ANK3: variants seen among roughly 807,000 people sequenced by gnomAD.
ANK3 encodes the protein ankyrin-3.
Under a neutral mutation model 370.9 loss-of-function variants are expected in ANK3, and 57 were observed. The ratio of observed to expected loss-of-function variants is 0.15; its 90% confidence interval spans 0.12 to 0.19. ANK3 has a LOEUF of 0.19. Among genes scored for constraint, ANK3 ranks in the 10% least tolerant of loss-of-function variants. ANK3 has a pLI of 1.00. For synonymous variants in ANK3, 1,929 were observed against 1,946.3 expected (o/e 0.99, Z 0.23); for missense variants, 4,439 against 5,302.1 (o/e 0.84, Z 5.06).
chr10:60,173,077 A>T lies in ANK3; in HGVS notation c.2283+11T>A. ...ATGATTCTGGCAGAAACAAAAAAGGAAGGAGCTTACCTTTGTTTTGGCATT... is the reference window on the plus strand; with the variant it reads ...ATGATTCTGGCAGAAACAAAAAAGGTAGGAGCTTACCTTTGTTTTGGCATT... On this transcript the variant is annotated intron_variant, in intron 19 of 43. Transcript: ENST00000280772. 1 of 1,611,384 alleles carries T rather than the reference A, an allele frequency of 6.2e-7. No individual in the cohort carries two copies. Among genetic ancestry groups the T allele is most frequent in the Non-Finnish European group, 8.5e-7 (1 of 1,178,436 alleles).
Position 60,278,805 on chromosome 10 carries a change from G to A in ANK3, c.383C>T (p.Thr128Ile), listed in dbSNP as rs758350964. The A allele has an allele frequency of 1.2e-6, 2 of 1,613,966 alleles. No homozygotes were observed. Among genetic ancestry groups the A allele is most frequent in the South Asian group, 2.2e-5 (2 of 91,072 alleles). The change falls in exon 4 of 44, where the codon ACA (threonine) becomes ATA (isoleucine). Residue 128 changes from threonine (T) to isoleucine (I), a missense_variant. Physicochemically the swap from Thr to Ile is moderately conservative, Grantham distance 89. Transcript: ENST00000280772. ...TTGTGCATTGACATTGGCTCCATTT[G>A]TAACCAAGACTTTTACCACCTCTGC... ...GQAEVVKVLV[T>I]NGANVNAQSQ...
intron 7 of ANK3, among the ~76,000 whole-genome samples, chr10:60,244,902 G>A (rs2097529500): frequency 6.6e-6 from 1 of 152,204 alleles, no homozygotes; most frequent in Non-Finnish European, 1.5e-5. Flanking sequence ...GGGCGCGGTG[G>A]CTCACGCCTG....
intron 37 of ANK3, 111 bp downstream of exon 37, chr10:60,068,526 T>G (rs2082063459): frequency 1.7e-6 from 2 of 1,163,644 alleles, no homozygotes; most frequent in Non-Finnish European, 1.2e-6. Context: ...CCACAGGCAA[T>G]CACAACAGTT....
intron 17 of ANK3, 84 bp from the exon 18 acceptor site, chr10:60,181,511 C>A: frequency 1.5e-6 from 2 of 1,295,062 alleles, no homozygotes; most frequent in Non-Finnish European, 2.2e-6. Flanking sequence ...TTTGTGAATT[C>A]TAAGATGGTA....
intron 25 of ANK3, among the ~76,000 whole-genome samples, chr10:60,129,243 C>CAATT (rs2093937688): frequency 6.6e-6 from 1 of 152,166 alleles, no homozygotes; most frequent in Non-Finnish European, 1.5e-5. Flanking sequence ...TCAGGGGAAC[C>CAATT]CTTAAAAATA....
chr10:60,375,499 G>A (rs75396339), intron 1 of ANK3, among the ~76,000 whole-genome samples: 13,277 of 151,996 alleles, frequency 0.087, 730 homozygotes, highest in South Asian at 0.13. Context: ...GCCTGCCTGG[G>A]GGGGGAGGGG....
At chr10:60,140,970 G>T (rs2094533464) in intron 23 of ANK3, 3 of 985,442 alleles carry the variant, frequency 3.0e-6, no homozygotes, top group Non-Finnish European at 3.6e-6. Flanking sequence ...GGCCCAGGCG[G>T]GGAGTGGCAT....
intron 18 of ANK3, among the ~76,000 whole-genome samples, chr10:60,177,438 T>A (rs2096000467): frequency 6.6e-6 from 1 of 152,102 alleles, no homozygotes; most frequent in African/African-American, 2.4e-5. Context: ...AATAGGAAAC[T>A]CATAGTCCTC....
At chr10:60,047,204 C>A (rs1254920225) in intron 42 of ANK3, among the ~76,000 whole-genome samples, 1 of 152,126 alleles carries the variant, frequency 6.6e-6, no homozygotes, top group African/African-American at 2.4e-5. Context: ...TGGCAACCTC[C>A]CTTCCCTTCC....
At chr10:60,184,777 A>C (rs1174353367) in intron 17 of ANK3, among the ~76,000 whole-genome samples, 1 of 152,222 alleles carries the variant, frequency 6.6e-6, no homozygotes, top group Non-Finnish European at 1.5e-5. Flanking sequence ...CAGGATTTTG[A>C]AGAAACAAAG....
At position 60,070,988 on chromosome 10, in the gene ANK3, G is replaced by C; in HGVS notation, c.9893C>G (p.Pro3298Arg). The change falls in exon 37 of 44, where the codon CCT becomes CGT. Residue 3298 changes from proline (P) to arginine (R), a missense_variant. By Grantham distance (103) the Pro-to-Arg change is moderately radical. This residue lies in a region of ANK3 where 1,601 missense variants were observed against 1,731.7 expected (regional missense o/e 0.92). Coordinates refer to ENST00000280772, the MANE Select transcript of ANK3 (RefSeq NM_020987.5). The surrounding 1 kb of genome is among the most constrained non-coding windows in gnomAD (Gnocchi z 5.7). ...DEHDKYQLAE[P>R]VIRVQPPSPV... is the part of the protein sequence containing the mutation. ...TGAAGGTGGCTGCACTCTAATGACA[G>C]GTTCAGCCAGCTGGTACTTGTCATG... is the stretch of plus-strand genomic sequence containing the variant. The C allele has an allele frequency of 6.2e-7, 1 of 1,614,116 alleles. No individual in the cohort carries two copies.
intron 42 of ANK3, 161 bp from the exon 43 acceptor site, chr10:60,042,920 C>G (rs894679834): frequency 6.9e-7 from 1 of 1,449,652 alleles, no homozygotes; most frequent in African/African-American, 1.4e-5. Flanking sequence ...CTTAACCACA[C>G]AGTTTAGCAT....
chr10:60,305,341 T>A (rs1387429790), intron 1 of ANK3, among the ~76,000 whole-genome samples: 1 of 152,054 alleles, frequency 6.6e-6, no homozygotes, highest in Non-Finnish European at 1.5e-5. Context: ...TAGGCAGACC[T>A]TAGTTCCAGC....
chr10:60,427,008 C>T (rs2063902922), intron 2 of ANK3, among the ~76,000 whole-genome samples: 1 of 152,092 alleles, frequency 6.6e-6, no homozygotes, highest in Non-Finnish European at 1.5e-5. Context: ...GCTTCGAATT[C>T]CTTTCCTGCT....
chr10:60,160,251 T>C (rs1360955970), intron 23 of ANK3, among the ~76,000 whole-genome samples: 2 of 151,992 alleles, frequency 1.3e-5, no homozygotes, highest in Non-Finnish European at 2.9e-5. Flanking sequence ...ATTCAAAGGC[T>C]CATTAGAGAC....
At position 60,114,323 on chromosome 10, in the gene ANK3, T is replaced by C. The variant is rs546626279; in HGVS notation, c.2850A>G (p.Thr950=). The change falls in exon 26 of 44, where the codon ACA becomes ACG. Residue 950 remains threonine (T), a synonymous_variant. Transcript: ENST00000280772. ...AATCTGAATCAAATTCCCTTGTGAATGTTAGATGCTGAAAAATAAAATGGT... is the reference window on the plus strand; with the variant it reads ...AATCTGAATCAAATTCCCTTGTGAACGTTAGATGCTGAAAAATAAAATGGT... ...LLVPSKEQHL[T]FTREFDSDSL... 133 of 1,588,218 alleles carry C rather than the reference T, an allele frequency of 8.4e-5. No homozygotes were observed. In the East Asian group the frequency reaches 2.5e-3, roughly 30 times the overall value.
intron 1 of ANK3, among the ~76,000 whole-genome samples, chr10:60,311,546 A>G (rs1331501134): frequency 1.3e-5 from 2 of 151,252 alleles, no homozygotes; most frequent in Non-Finnish European, 2.9e-5. Context: ...TTTTACTCCA[A>G]TTGGGAGAAT....
At chr10:60,660,684 A>G (rs1356970305) in intron 1 of ANK3, among the ~76,000 whole-genome samples, 1 of 152,116 alleles carries the variant, frequency 6.6e-6, no homozygotes, top group Non-Finnish European at 1.5e-5. Context: ...TCTCTGGGGT[A>G]GAGGCTGGAA....
At chr10:60,204,865 T>C (rs2096737462) in intron 11 of ANK3, among the ~76,000 whole-genome samples, 1 of 151,152 alleles carries the variant, frequency 6.6e-6, no homozygotes, top group Admixed American at 6.6e-5. Flanking sequence ...GGCTGGGGAG[T>C]GAGCGGGGGT....
Sources: gnomAD v4.1 joint callset for allele counts (sites outside exome capture counted in the v4.1 genomes callset) on GRCh38, gnomAD v4.1.1 for gene constraint, gnomAD v4.1.1 regional missense constraint, Gnocchi (gnomAD v3.1) non-coding constraint, MANE v1.5 for transcripts, NCBI Gene and HGNC (gene_info 2026-07-23, HGNC 2026-07-21) for gene names.